The following KLHL2 variants were observed in gnomAD, a reference collection of about 807,000 sequenced individuals.
The protein encoded by KLHL2 is kelch-like protein 2.
KLHL2 carries 15 observed loss-of-function variants against 75.8 expected under a neutral mutation model. The observed-to-expected ratio is 0.20, with a 90% CI of 0.13 to 0.30. The LOEUF is 0.30. KLHL2 is among the 10% of genes least tolerant of loss of function. KLHL2 has a pLI of 1.00. For missense variants in KLHL2, 381 were observed against 741.0 expected (o/e 0.51, Z 5.64); for synonymous variants, 214 against 251.9 (o/e 0.85, Z 1.42).
At chr4:165,270,404 CTGG>C (rs1742595643) in intron 5 of KLHL2, among the ~76,000 whole-genome samples, 1 of 152,152 alleles carries the variant, frequency 6.6e-6, no homozygotes, top group African/African-American at 2.4e-5. Context: ...AAGAGATGCT[CTGG>C]TTTTTGGAAT....
At chr4:165,270,583 T>G (rs1042747060) in intron 5 of KLHL2, among the ~76,000 whole-genome samples, 5 of 152,196 alleles carry the variant, frequency 3.3e-5, no homozygotes, top group Non-Finnish European at 5.9e-5. Context: ...GCCCCTCAGC[T>G]GCAGGTCTGT....
chr4:165,285,458 G>A (rs1744019037), intron 5 of KLHL2, among the ~76,000 whole-genome samples: 1 of 152,164 alleles, frequency 6.6e-6, no homozygotes, highest in South Asian at 2.1e-4. Context: ...CTAGGCTAGA[G>A]TGCAGTGGTG....
chr4:165,270,873 A>G (rs1467306273), intron 5 of KLHL2, among the ~76,000 whole-genome samples: 1 of 152,216 alleles, frequency 6.6e-6, no homozygotes, highest in African/African-American at 2.4e-5. Flanking sequence ...AAACAGGGAC[A>G]TTTAAGTCTG....
intron 6 of KLHL2, among the ~76,000 whole-genome samples, chr4:165,296,400 C>T (rs1028724978): frequency 3.9e-5 from 6 of 152,206 alleles, no homozygotes; most frequent in Non-Finnish European, 7.3e-5. Context: ...TTCAAATGAG[C>T]ATTTCAAGAG....
At chr4:165,232,716 G>A (rs1055559900) in intron 3 of KLHL2, among the ~76,000 whole-genome samples, 4 of 151,990 alleles carry the variant, frequency 2.6e-5, no homozygotes, top group African/African-American at 9.7e-5. Flanking sequence ...CTCCACCTGG[G>A]CAACAGAGTG....
At chr4:165,241,835 G>C (rs1158898325) in intron 4 of KLHL2, among the ~76,000 whole-genome samples, 1 of 152,122 alleles carries the variant, frequency 6.6e-6, no homozygotes, top group African/African-American at 2.4e-5. Flanking sequence ...CCTATTTGAA[G>C]TGAAGGTTGT....
At position 165,207,618 on chromosome 4, in the gene KLHL2, G is replaced by A. The variant is rs1225289257; in HGVS notation, c.-259G>A. 2 of 149,294 alleles carry A rather than the reference G, an allele frequency of 1.3e-5. No individual in the cohort carries two copies. The highest frequency in any genetic ancestry group is 4.9e-5 in the African/African-American group (2 of 40,974). 9.2% of individuals were successfully genotyped at this position (149,294 alleles called of 1,614,324 possible). A position where few individuals can be genotyped will look rare whatever the true frequency, so the allele number is the denominator to read the frequency against. On this transcript the variant is annotated 5_prime_UTR_variant, in exon 1 of 15. Transcript: ENST00000226725. The surrounding 1 kb of genome is among the most constrained non-coding windows in gnomAD (Gnocchi z 4.2). ...CGAACCCGGAAGTGGCCGAGCCCGCGCGCCCGCCGGTCCCGTCGCCGCCGC... is the reference window on the plus strand; with the variant it reads ...CGAACCCGGAAGTGGCCGAGCCCGCACGCCCGCCGGTCCCGTCGCCGCCGC...
chr4:165,218,947 C>G, intron 1 of KLHL2, among the ~76,000 whole-genome samples: 1 of 152,052 alleles, frequency 6.6e-6, no homozygotes, highest in Non-Finnish European at 1.5e-5. Flanking sequence ...AATTTACATA[C>G]CATAAATCCA....
chr4:165,270,368 C>T (rs992553029), intron 5 of KLHL2, among the ~76,000 whole-genome samples: 18 of 152,118 alleles, frequency 1.2e-4, no homozygotes, highest in African/African-American at 1.7e-4. Context: ...CCCTTGCTGC[C>T]GAGGAGCTGC....
chr4:165,312,557 G>A (rs992233070), intron 11 of KLHL2, among the ~76,000 whole-genome samples: 2 of 151,956 alleles, frequency 1.3e-5, no homozygotes, highest in Non-Finnish European at 2.9e-5. Context: ...CCCATTTCAT[G>A]TATACAGTTC....
At chr4:165,209,243 G>A (rs1007568951) in intron 1 of KLHL2, among the ~76,000 whole-genome samples, 9 of 152,156 alleles carry the variant, frequency 5.9e-5, no homozygotes, top group Non-Finnish European at 1.3e-4. Context: ...ATGGTGGATG[G>A]TTCACATCAG....
intron 5 of KLHL2, among the ~76,000 whole-genome samples, chr4:165,264,727 T>TATATATAC (rs1171865820): frequency 1.3e-5 from 1 of 74,112 alleles, no homozygotes; most frequent in Non-Finnish European, 2.6e-5. Context: ...TATACATATA[T>TATATATAC]ATATATATAT....
chr4:165,315,851 G>A (rs1244578784), intron 13 of KLHL2, among the ~76,000 whole-genome samples: 4 of 152,122 alleles, frequency 2.6e-5, no homozygotes, highest in Non-Finnish European at 5.9e-5. Flanking sequence ...ATATAAATTT[G>A]AAATAGCAAG....
intron 1 of KLHL2, among the ~76,000 whole-genome samples, chr4:165,214,288 G>C (rs187390066): frequency 3.9e-5 from 6 of 152,268 alleles, no homozygotes; most frequent in Middle Eastern, 3.4e-3. Flanking sequence ...GTTTGAAATG[G>C]ATCATCAACC....
At chr4:165,208,343 C>T (rs1306804506) in intron 1 of KLHL2, 2 of 153,030 alleles carry the variant, frequency 1.3e-5, no homozygotes, top group Non-Finnish European at 2.9e-5. Flanking sequence ...TCTTAGGTTG[C>T]TTGATTCCCC....
At chr4:165,221,238 A>G (rs1737963066) in intron 2 of KLHL2, among the ~76,000 whole-genome samples, 1 of 152,248 alleles carries the variant, frequency 6.6e-6, no homozygotes, top group Non-Finnish European at 1.5e-5. Flanking sequence ...TCAAAGAATC[A>G]CAAAAATAAT....
intron 14 of KLHL2, chr4:165,321,427 G>A: frequency 5.1e-6 from 2 of 394,548 alleles, no homozygotes; most frequent in South Asian, 3.9e-5. Flanking sequence ...TTCCTTTTCT[G>A]TAGCTTACTT....
intron 1 of KLHL2, among the ~76,000 whole-genome samples, chr4:165,215,072 T>A (rs1467270187): frequency 6.6e-6 from 1 of 152,222 alleles, no homozygotes; most frequent in Non-Finnish European, 1.5e-5. Flanking sequence ...TATGAACATA[T>A]GTTTGTAGAT....
intron 1 of KLHL2, among the ~76,000 whole-genome samples, chr4:165,214,546 C>T (rs1273019129): frequency 1.3e-5 from 2 of 152,096 alleles, no homozygotes; most frequent in African/African-American, 4.8e-5. Flanking sequence ...CTCCATTGTT[C>T]TACTATCAGA....
Sources: allele counts gnomAD v4.1 joint callset (sites outside exome capture counted in the v4.1 genomes callset), GRCh38; gene constraint gnomAD v4.1.1; non-coding constraint Gnocchi (gnomAD v3.1); transcripts MANE v1.5; gene names NCBI Gene and HGNC (gene_info 2026-07-23, HGNC 2026-07-21).